Variants in TRAPPC13 observed in about 807,000 individuals in gnomAD.
The protein encoded by TRAPPC13 is trafficking protein particle complex subunit 13.
Under a neutral mutation model 54.0 loss-of-function variants are expected in TRAPPC13, and 39 were observed. The ratio of observed to expected loss-of-function variants is 0.72; its 90% CI spans 0.56 to 0.94. TRAPPC13 has a LOEUF of 0.94. TRAPPC13 is among the 40% of genes least tolerant of loss of function. TRAPPC13 has a pLI of 0.00. For synonymous variants in TRAPPC13, 148 were observed against 167.7 expected (o/e 0.88, Z 0.91); for missense variants, 386 against 488.1 (o/e 0.79, Z 1.97).
chr5:65,638,432 A>C (rs1755845360), intron 4 of TRAPPC13, among the ~76,000 whole-genome samples: 1 of 152,224 alleles, frequency 6.6e-6, no homozygotes, highest in Non-Finnish European at 1.5e-5. Context: ...GGGAGAGGGA[A>C]TGCGAAGAGG....
intron 1 of TRAPPC13, among the ~76,000 whole-genome samples, chr5:65,628,214 A>T (rs552712127): frequency 1.6e-4 from 24 of 152,192 alleles, no homozygotes; most frequent in African/African-American, 5.8e-4. Context: ...GCTCTAAGAG[A>T]AAAAAATAGG....
chr5:65,645,617 A>G (rs1339160478), intron 4 of TRAPPC13, among the ~76,000 whole-genome samples: 1 of 152,182 alleles, frequency 6.6e-6, no homozygotes, highest in Non-Finnish European at 1.5e-5. Context: ...ATCCTGGCTA[A>G]CACGGTGAAA....
At chr5:65,660,389 C>T (rs37351) in intron 9 of TRAPPC13, among the ~76,000 whole-genome samples, 37,577 of 151,020 alleles carry the variant, frequency 0.25, 4,980 homozygotes, top group Non-Finnish European at 0.3. Flanking sequence ...CACTGTACTC[C>T]AGCCTGGGTG....
At chr5:65,637,150 T>C (rs1755778386) in intron 3 of TRAPPC13, among the ~76,000 whole-genome samples, 1 of 152,336 alleles carries the variant, frequency 6.6e-6, no homozygotes, top group Admixed American at 6.5e-5. Flanking sequence ...GGTTGGCATT[T>C]TGTACAGTAG....
intron 4 of TRAPPC13, among the ~76,000 whole-genome samples, chr5:65,641,859 G>C (rs1314440621): frequency 1.3e-5 from 2 of 150,922 alleles, no homozygotes; most frequent in Non-Finnish European, 3.0e-5. Flanking sequence ...GAAGCTCCCT[G>C]ATAACACTTT....
intron 7 of TRAPPC13, among the ~76,000 whole-genome samples, chr5:65,653,095 C>A: frequency 1.5e-5 from 1 of 66,962 alleles, no homozygotes; most frequent in South Asian, 5.4e-4. Context: ...GATACTCTAT[C>A]TTTTACCCTA....
At chr5:65,641,859 G>T (rs1314440621) in intron 4 of TRAPPC13, among the ~76,000 whole-genome samples, 1 of 150,824 alleles carries the variant, frequency 6.6e-6, no homozygotes, top group African/African-American at 2.4e-5. Context: ...GAAGCTCCCT[G>T]ATAACACTTT....
intron 4 of TRAPPC13, among the ~76,000 whole-genome samples, chr5:65,638,507 C>T (rs1488022168): frequency 6.6e-6 from 1 of 152,136 alleles, no homozygotes; most frequent in Non-Finnish European, 1.5e-5. Flanking sequence ...GAGGCAGAGA[C>T]ATAGTGGTAC....
At chr5:65,636,608 G>A (rs2150668764) in intron 3 of TRAPPC13, among the ~76,000 whole-genome samples, 1 of 151,946 alleles carries the variant, frequency 6.6e-6, no homozygotes, top group South Asian at 2.1e-4. Context: ...TTTTGTAATG[G>A]CCACATAGTC....
chr5:65,629,210 A>G (rs929766438), intron 1 of TRAPPC13, among the ~76,000 whole-genome samples: 3 of 152,112 alleles, frequency 2.0e-5, no homozygotes, highest in African/African-American at 4.8e-5. Context: ...CAAGTCCTTT[A>G]TATCTATTGA....
At chr5:65,653,676 G>A (rs957308919) in intron 7 of TRAPPC13, among the ~76,000 whole-genome samples, 4 of 152,126 alleles carry the variant, frequency 2.6e-5, no homozygotes, top group Non-Finnish European at 5.9e-5. Context: ...ATGCAGGTTG[G>A]AAACAAGTGT....
chr5:65,646,936 C>G, intron 4 of TRAPPC13, 119 bp from the exon 5 acceptor site: 3 of 953,072 alleles, frequency 3.1e-6, no homozygotes, highest in Non-Finnish European at 3.0e-6. Flanking sequence ...AGTGTTGCTC[C>G]CCCTTTCATC....
At chr5:65,651,866 T>G (rs980556809) in intron 6 of TRAPPC13, among the ~76,000 whole-genome samples, 2 of 120,652 alleles carry the variant, frequency 1.7e-5, no homozygotes, top group Middle Eastern at 3.9e-3. Flanking sequence ...TTTTTTTTTT[T>G]TTTTTTTTTT....
At chr5:65,628,788 G>A (rs1163153085) in intron 1 of TRAPPC13, among the ~76,000 whole-genome samples, 1 of 151,496 alleles carries the variant, frequency 6.6e-6, no homozygotes, top group East Asian at 1.9e-4. Context: ...ATAATTTTAA[G>A]TATAAAATGA....
At chr5:65,627,685 A>T (rs1755314849) in intron 1 of TRAPPC13, among the ~76,000 whole-genome samples, 1 of 152,180 alleles carries the variant, frequency 6.6e-6, no homozygotes, top group South Asian at 2.1e-4. Context: ...ACAACAAGAG[A>T]ATTTCTCAGT....
intron 2 of TRAPPC13, 93 bp downstream of exon 2, chr5:65,635,462 T>C: frequency 1.0e-6 from 1 of 993,564 alleles, no homozygotes; most frequent in South Asian, 1.5e-5. Flanking sequence ...CCTGTAAATT[T>C]TATGCTAACC....
chr5:65,650,821 C>A lies in TRAPPC13; in HGVS notation c.440C>A (p.Ala147Asp), dbSNP rs1756401454. The part of the protein sequence containing the change: ...KEIGTHILVC[A>D]VSYTTQAGEK... The stretch of plus-strand genomic sequence containing the variant: ...TCTTTCTGTTTCAGCTTGGTATGTG[C>A]TGTGAGTTATACAACTCAGGCTGGA... The change falls in exon 6 of 13, where the codon GCT (alanine) becomes GAT (aspartate). Residue 147 changes from alanine (A) to aspartate (D), a missense_variant. Transcript: ENST00000399438. The A allele has an allele frequency of 6.2e-7, 1 of 1,612,678 alleles. No homozygotes were observed. Among genetic ancestry groups the A allele is most frequent in the African/African-American group, 1.3e-5 (1 of 74,850 alleles).
intron 9 of TRAPPC13, among the ~76,000 whole-genome samples, chr5:65,659,607 C>T (rs566946563): frequency 6.6e-6 from 1 of 152,280 alleles, no homozygotes; most frequent in East Asian, 1.9e-4. Flanking sequence ...TGGTTTAATA[C>T]TTTGTGAAAA....
intron 5 of TRAPPC13, among the ~76,000 whole-genome samples, chr5:65,649,222 AG>A (rs1186689070): frequency 1.0e-5 from 1 of 99,040 alleles, no homozygotes; most frequent in East Asian, 2.4e-4. Context: ...CCTCAAAAAA[AG>A]AAACTTTTTT....
Sources: gnomAD v4.1 joint callset for allele counts (sites outside exome capture counted in the v4.1 genomes callset) on GRCh38, gnomAD v4.1.1 for gene constraint, MANE v1.5 for transcripts, NCBI Gene and HGNC (gene_info 2026-07-23, HGNC 2026-07-21) for gene names.